IPO5: variants seen among roughly 807,000 people sequenced by gnomAD.
IPO5 encodes the protein importin 5.
In IPO5, 18 loss-of-function variants were observed where a neutral mutation model predicts 143.3. The ratio of observed to expected loss-of-function variants is 0.13; its 90% CI spans 0.09 to 0.19. The LOEUF (loss-of-function observed/expected upper bound fraction) is 0.19, where lower values mean the gene tolerates loss of function less well. Ranked by LOEUF, IPO5 falls within the 10% of genes least tolerant of loss-of-function variation. The pLI is 1.00. For missense variants in IPO5, 1,013 were observed against 1,336.9 expected, an observed-to-expected ratio of 0.76 and a Z score of 3.78; for synonymous variants, 477 against 465.7, an observed-to-expected ratio of 1.02 and a Z score of -0.31.
Position 98,014,204 on chromosome 13 carries a change from C to T in IPO5, c.2315C>T (p.Ser772Phe). Residue 772 changes from serine to phenylalanine, a missense_variant, in exon 22 of 29, where the codon TCT becomes TTT. Ser to Phe is a radical substitution (Grantham distance 155, BLOSUM62 -2). Coordinates refer to ENST00000651721, the MANE Select transcript of IPO5 (RefSeq NM_002271.6). ...DSDVLSEIMH[S>F]FAKCIEVMGD... ...GACGTCCTCTCAGAAATAATGCATT[C>T]TTTTGCAAAGGTGAATATTTTTCTC... The T allele has an allele frequency of 6.2e-7, 1 of 1,605,886 alleles. No individual in the cohort carries two copies. The highest frequency in any genetic ancestry group is 8.5e-7 in the Non-Finnish European group (1 of 1,174,440).
intron 13 of IPO5, 94 bp from the exon 14 acceptor site, chr13:98,002,373 C>G: frequency 2.3e-6 from 3 of 1,284,632 alleles, no homozygotes; most frequent in South Asian, 1.4e-5. Context: ...TTTTGTTACT[C>G]TTTTCCAAAT....
chr13:98,002,419 A>G (rs771721671), intron 13 of IPO5, 48 bp from the exon 14 acceptor site: 5 of 1,566,954 alleles, frequency 3.2e-6, no homozygotes, highest in South Asian at 1.2e-5. Context: ...CCAGAATGAC[A>G]TGTTTATAGT....
chr13:98,005,850 G>A (rs184892360), intron 16 of IPO5, among the ~76,000 whole-genome samples: 248 of 152,126 alleles, frequency 1.6e-3, no homozygotes, highest in Non-Finnish European at 2.5e-3. Context: ...TTTTGATTCC[G>A]TATCTGTACT....
At chr13:97,978,507 G>A (rs772796562) in intron 4 of IPO5, among the ~76,000 whole-genome samples, 30 of 152,046 alleles carry the variant, frequency 2.0e-4, no homozygotes, top group Non-Finnish European at 4.0e-4. Flanking sequence ...CTGAAAAGTA[G>A]CATTTGTTCC....
chr13:98,018,653 C>T lies in IPO5; in HGVS notation c.2785C>T (p.Leu929=). 1 of 1,614,176 alleles carries T rather than the reference C, an allele frequency of 6.2e-7. No homozygotes were observed. Among genetic ancestry groups the T allele is most frequent in the Non-Finnish European group, 8.5e-7 (1 of 1,180,030 alleles). ...AGTCAGGCAAGCAGCTGCATATGGCCTGGGAGTCATGGCACAGTACGGTGG... is the reference window on the plus strand; with the variant it reads ...AGTCAGGCAAGCAGCTGCATATGGCTTGGGAGTCATGGCACAGTACGGTGG... ...PEVRQAAAYG[L]GVMAQYGGDN... The change falls in exon 26 of 29, where the codon CTG becomes TTG. Residue 929 remains leucine (L), a synonymous_variant. Transcript: ENST00000651721.
At chr13:97,957,607 GA>G (rs1367171594) in intron 2 of IPO5, among the ~76,000 whole-genome samples, 1 of 152,074 alleles carries the variant, frequency 6.6e-6, no homozygotes, top group Non-Finnish European at 1.5e-5. Context: ...ACAATTTAGA[GA>G]AAACTAGTTA....
chr13:97,998,208 A>C (rs1362637575), intron 12 of IPO5, among the ~76,000 whole-genome samples: 1 of 152,118 alleles, frequency 6.6e-6, no homozygotes, highest in Non-Finnish European at 1.5e-5. Context: ...ATCTCCTGAC[A>C]TCATGATCCG....
intron 2 of IPO5, among the ~76,000 whole-genome samples, chr13:97,955,009 C>A (rs1672787889): frequency 6.6e-6 from 1 of 152,114 alleles, no homozygotes; most frequent in African/African-American, 2.4e-5. Context: ...GGGAGGATCA[C>A]TTGGGCCTAG....
In IPO5 at chr13:98,012,879, C is replaced by T. The variant is rs1889834569; in HGVS notation, c.2152+537C>T. Among the ~76,000 whole-genome samples, 4 of 146,088 alleles carry T rather than the reference C, an allele frequency of 2.7e-5. No individual in the cohort carries two copies. The South Asian group carries it at 8.9e-4, about 33-fold the overall frequency. ...CAGGCTGGTCTCAAACTCCTGGGCT[C>T]AAGCAGTCCTCCTGCCTTGGCCCCA... On this transcript the variant is annotated intron_variant, in intron 21 of 28. Transcript: ENST00000651721.
chr13:98,010,035 T>C (rs1399420305), intron 19 of IPO5, 22 bp downstream of exon 19: 1 of 1,613,774 alleles, frequency 6.2e-7, no homozygotes, highest in Non-Finnish European at 8.5e-7. Context: ...TAGAAGGAGC[T>C]ATCGGTTATA....
At chr13:97,986,307 G>A (rs1887337406) in intron 6 of IPO5, among the ~76,000 whole-genome samples, 1 of 151,956 alleles carries the variant, frequency 6.6e-6, no homozygotes, top group Non-Finnish European at 1.5e-5. Flanking sequence ...TTGTATATGT[G>A]TGGTGACAAA....
chr13:98,010,279 T>TACATAC, intron 20 of IPO5, 55 bp downstream of exon 20: 1 of 1,496,192 alleles, frequency 6.7e-7, no homozygotes, highest in East Asian at 2.3e-5. Flanking sequence ...ATACATTTCA[T>TACATAC]ATGAGTGCTT....
At chr13:98,013,366 G>A (rs980138920) in intron 21 of IPO5, among the ~76,000 whole-genome samples, 10 of 152,044 alleles carry the variant, frequency 6.6e-5, no homozygotes, top group Admixed American at 3.9e-4. Context: ...AATGATAGCC[G>A]TAATTAATAT....
At chr13:97,960,459 T>C (rs766381999) in intron 2 of IPO5, 9 of 152,192 alleles carry the variant, frequency 5.9e-5, no homozygotes, top group African/African-American at 1.4e-4. Context: ...TCTAAATCAA[T>C]ATCCTTCAGC....
intron 21 of IPO5, among the ~76,000 whole-genome samples, chr13:98,013,549 G>A (rs1889883100): frequency 6.6e-6 from 1 of 152,018 alleles, no homozygotes; most frequent in Non-Finnish European, 1.5e-5. Flanking sequence ...GGATGCCAGA[G>A]GACAAAGCGG....
At chr13:98,013,079 CAG>C (rs1438223540) in intron 21 of IPO5, among the ~76,000 whole-genome samples, 6 of 151,754 alleles carry the variant, frequency 4.0e-5, no homozygotes, top group Non-Finnish European at 7.4e-5. Context: ...TTTTTTGACA[CAG>C]GGTCTCACTC....
At chr13:98,013,466 T>C (rs1259383764) in intron 21 of IPO5, among the ~76,000 whole-genome samples, 1 of 152,194 alleles carries the variant, frequency 6.6e-6, no homozygotes, top group Non-Finnish European at 1.5e-5. Context: ...TTTGTCATCA[T>C]TCCTTTTACG....
At position 97,976,780 on chromosome 13, in the gene IPO5, G is replaced by A. The variant is rs761863636; in HGVS notation, c.84G>A (p.Gln28=). The change falls in exon 4 of 29, where the codon CAG becomes CAA. Residue 28 remains glutamine (Q), a synonymous_variant. Transcript: ENST00000651721. ...GCCCCGACAATGTGGTCCGGAAACA[G>A]GCAGAGGTAACCGAGTTCGCCGCCC... The part of the protein sequence containing the change: ...LLSPDNVVRK[Q]AEETYENIPG... 5 of 1,379,324 alleles carry A rather than the reference G, an allele frequency of 3.6e-6. No individual in the cohort carries two copies. Among genetic ancestry groups the A allele is most frequent in the Non-Finnish European group, 3.9e-6 (4 of 1,035,006 alleles). 85.4% of individuals were successfully genotyped at this position (1,379,324 alleles called of 1,614,324 possible). A position where few individuals can be genotyped will look rare whatever the true frequency, so the allele number is the denominator to read the frequency against.
chr13:98,014,397 C>G (rs1328456277), intron 22 of IPO5, among the ~76,000 whole-genome samples, 183 bp downstream of exon 22: 7 of 152,160 alleles, frequency 4.6e-5, no homozygotes, highest in Non-Finnish European at 4.4e-5. Context: ...CATGCCTCAT[C>G]CTTCCAAGTA....
Sources: allele counts gnomAD v4.1 joint callset (sites outside exome capture counted in the v4.1 genomes callset), GRCh38; gene constraint gnomAD v4.1.1; transcripts MANE v1.5; gene names NCBI Gene and HGNC (gene_info 2026-07-23, HGNC 2026-07-21).